Variants in TRAPPC9 observed in about 807,000 individuals in gnomAD.
TRAPPC9 encodes IKK2 binding protein.
Under a neutral mutation model 124.0 loss-of-function variants are expected in TRAPPC9, and 83 were observed. The ratio of observed to expected loss-of-function variants is 0.67; its 90% CI spans 0.56 to 0.80. The LOEUF is 0.80. Ranked by LOEUF, TRAPPC9 falls within the 30% of genes least tolerant of loss-of-function variation. The pLI is 0.00. For missense variants in TRAPPC9, 1,302 were observed against 1,508.3 expected, an observed-to-expected ratio of 0.86 and a Z score of 2.27; for synonymous variants, 638 against 617.5, an observed-to-expected ratio of 1.03 and a Z score of -0.49.
intron 21 of TRAPPC9, among the ~76,000 whole-genome samples, chr8:139,856,877 A>G (rs1827833657): frequency 6.6e-6 from 1 of 152,112 alleles, no homozygotes; most frequent in South Asian, 2.1e-4. Flanking sequence ...GTTGTCTGTC[A>G]TGTTTCATTC....
intron 12 of TRAPPC9, among the ~76,000 whole-genome samples, chr8:140,290,192 G>A (rs1456771210): frequency 1.3e-5 from 2 of 152,126 alleles, no homozygotes; most frequent in South Asian, 2.1e-4. Context: ...GGACCGACAC[G>A]TGGCAAGAGC....
intron 17 of TRAPPC9, among the ~76,000 whole-genome samples, chr8:140,187,979 G>C (rs776430970): frequency 1.3e-5 from 2 of 152,184 alleles, no homozygotes; most frequent in Non-Finnish European, 2.9e-5. Flanking sequence ...GTGTGGTCGG[G>C]AGAGGAACTG....
At chr8:139,843,497 G>A (rs80054622) in intron 21 of TRAPPC9, among the ~76,000 whole-genome samples, 1 of 152,200 alleles carries the variant, frequency 6.6e-6, no homozygotes, top group South Asian at 2.1e-4. Flanking sequence ...CCACGGAACC[G>A]GTGGACTGGT....
chr8:140,361,966 C>T (rs866415634), intron 8 of TRAPPC9, among the ~76,000 whole-genome samples: 2 of 152,176 alleles, frequency 1.3e-5, no homozygotes. Context: ...GAAGACGTTG[C>T]TCCAAGGGTT....
chr8:140,367,378 A>C (rs927053948), intron 8 of TRAPPC9, among the ~76,000 whole-genome samples: 1 of 152,254 alleles, frequency 6.6e-6, no homozygotes. Flanking sequence ...CTGATAGTAG[A>C]ATATTATTCA....
chr8:140,311,764 G>C (rs527888904), intron 9 of TRAPPC9, among the ~76,000 whole-genome samples: 1 of 152,344 alleles, frequency 6.6e-6, no homozygotes, highest in South Asian at 2.1e-4. Context: ...GGACCTGTCT[G>C]TCCCTCAGGA....
chr8:140,349,687 C>T (rs897762407), intron 9 of TRAPPC9, among the ~76,000 whole-genome samples: 1 of 152,160 alleles, frequency 6.6e-6, no homozygotes, highest in African/African-American at 2.4e-5. Context: ...ATGGGCTTTG[C>T]GGCCCTTCCG....
chr8:140,020,149 C>T (rs1028431604), intron 18 of TRAPPC9, among the ~76,000 whole-genome samples: 1 of 152,068 alleles, frequency 6.6e-6, no homozygotes, highest in African/African-American at 2.4e-5. Flanking sequence ...ACCCTAGTTA[C>T]AATTTATTAA....
At chr8:140,082,796 T>G (rs1468885836) in intron 17 of TRAPPC9, among the ~76,000 whole-genome samples, 1 of 152,164 alleles carries the variant, frequency 6.6e-6, no homozygotes, top group Admixed American at 6.6e-5. Flanking sequence ...GAGGTCACAA[T>G]TCTATGTATT....
chr8:139,857,095 GGGCACTCCA>G (rs1252759859), intron 21 of TRAPPC9, among the ~76,000 whole-genome samples: 1 of 90,978 alleles, frequency 1.1e-5, no homozygotes, highest in Non-Finnish European at 2.0e-5. Flanking sequence ...AAGGTGCCCA[GGGCACTCCA>G]GGCAGAAGGA....
rs760537145 is a variant in TRAPPC9, at chr8:140,275,677, C to T, written c.2259G>A (p.Ser753=). ...MEPLEKLEVT[S]KVLTTKEKLY... ...ACCTACCTTTAGTGGTGAGAACTTTCGAGGTGACCTCCAGTTTCTCCAATG... is the reference window on the plus strand; with the variant it reads ...ACCTACCTTTAGTGGTGAGAACTTTTGAGGTGACCTCCAGTTTCTCCAATG... Residue 753 remains serine, a synonymous_variant, in exon 15 of 23, where the codon TCG becomes TCA. Coordinates refer to ENST00000438773, the MANE Select transcript of TRAPPC9 (RefSeq NM_001160372.4). 9.3e-6 allele frequency: 15 copies of T among 1,614,048 alleles called. No homozygotes were observed. The highest frequency in any genetic ancestry group is 6.7e-5 in the East Asian group (3 of 44,886).
At chr8:140,426,752 G>C (rs2070436913) in intron 4 of TRAPPC9, 111 bp from the exon 5 acceptor site, 2 of 1,089,402 alleles carry the variant, frequency 1.8e-6, no homozygotes, top group East Asian at 4.9e-5. Context: ...AATCTGACTT[G>C]TATCTGATCA....
intron 16 of TRAPPC9, among the ~76,000 whole-genome samples, chr8:140,234,398 C>A (rs1012402728): frequency 1.3e-5 from 2 of 152,260 alleles, no homozygotes; most frequent in Non-Finnish European, 2.9e-5. Flanking sequence ...GTGGACAGTA[C>A]TGCACAGGCC....
At chr8:139,778,080 A>C (rs187303812) in intron 21 of TRAPPC9, among the ~76,000 whole-genome samples, 3 of 152,224 alleles carry the variant, frequency 2.0e-5, no homozygotes, top group Admixed American at 1.3e-4. Context: ...CCCAAGGCTA[A>C]GGGCAAGAAA....
At chr8:140,098,453 CA>C (rs2060498291) in intron 17 of TRAPPC9, 2 of 151,838 alleles carry the variant, frequency 1.3e-5, no homozygotes, top group Admixed American at 1.3e-4. Context: ...AGGCGATCCG[CA>C]GGCTAAAAAC....
intron 5 of TRAPPC9, among the ~76,000 whole-genome samples, chr8:140,415,779 G>C (rs991819975): frequency 1.3e-5 from 2 of 152,018 alleles, no homozygotes; most frequent in African/African-American, 4.8e-5. Flanking sequence ...GACCGGGCTT[G>C]GTAACATAGA....
chr8:139,953,571 T>C (rs753323928), intron 19 of TRAPPC9, among the ~76,000 whole-genome samples: 5 of 105,340 alleles, frequency 4.7e-5, no homozygotes, highest in South Asian at 3.7e-4. Flanking sequence ...AAACTGATAA[T>C]TGGACTTCAT....
chr8:140,333,374 G>C (rs181474970), intron 9 of TRAPPC9, among the ~76,000 whole-genome samples: 28 of 152,214 alleles, frequency 1.8e-4, no homozygotes, highest in African/African-American at 6.3e-4. Flanking sequence ...TATAGATATA[G>C]ATACATAGGT....
At chr8:140,392,640 CAAGT>C (rs1367716495) in intron 7 of TRAPPC9, among the ~76,000 whole-genome samples, 2 of 152,220 alleles carry the variant, frequency 1.3e-5, no homozygotes, top group Non-Finnish European at 2.9e-5. Context: ...TGGTGTGGAA[CAAGT>C]GAGTGAGGGC....
Sources: allele counts gnomAD v4.1 joint callset (sites outside exome capture counted in the v4.1 genomes callset), GRCh38; gene constraint gnomAD v4.1.1; transcripts MANE v1.5; gene names NCBI Gene and HGNC (gene_info 2026-07-23, HGNC 2026-07-21).